DTNB: variants seen among roughly 807,000 people sequenced by gnomAD.
DTNB encodes dystrobrevin beta, also known as DTN-B.
A neutral mutation model predicts 90.7 loss-of-function variants in DTNB; 63 were observed. The ratio of observed to expected loss-of-function variants is 0.69; its 90% CI spans 0.57 to 0.86. DTNB has a LOEUF of 0.86. DTNB is among the 40% of genes least tolerant of loss of function. DTNB has a pLI of 0.00. For synonymous variants in DTNB, 277 were observed against 286.7 expected, an observed-to-expected ratio of 0.97 and a Z score of 0.34; for missense variants, 744 against 807.1, an observed-to-expected ratio of 0.92 and a Z score of 0.95.
rs572377850 is a variant in DTNB, at chr2:25,459,524, C to T, written c.1080-4030G>A. Among the ~76,000 whole-genome samples the T allele has an allele frequency of 7.2e-5, 11 of 152,190 alleles. 1 individual carries two copies. In the South Asian group the frequency reaches 1.7e-3, roughly 23 times the overall value. ...TATTTTATTTCTTGAGATGGAGTCTCGCTCTGTTGCCCAGGCTGGAGCGCA... is the reference window on the plus strand; with the variant it reads ...TATTTTATTTCTTGAGATGGAGTCTTGCTCTGTTGCCCAGGCTGGAGCGCA... On this transcript the variant is annotated intron_variant, in intron 10 of 20. Transcript: ENST00000406818.
At position 25,387,268 on chromosome 2, in the gene DTNB, G is replaced by A; in HGVS notation, c.1825+21C>T. On this transcript the variant is annotated intron_variant, in intron 18 of 20. Coordinates refer to ENST00000406818, the MANE Select transcript of DTNB (RefSeq NM_021907.5). The surrounding 1 kb of genome is among the most constrained non-coding windows in gnomAD (Gnocchi z 4.5). The stretch of plus-strand genomic sequence containing the variant: ...CAAGGCAGGGGAGGCCAGGAAGCTG[G>A]CTGGGAGCTCTGGGTTTCACCTGAA... The A allele has an allele frequency of 6.2e-7, 1 of 1,602,206 alleles. No individual in the cohort carries two copies. The highest frequency in any genetic ancestry group is 8.5e-7 in the Non-Finnish European group (1 of 1,172,370).
intron 16 of DTNB, among the ~76,000 whole-genome samples, chr2:25,418,309 C>T (rs528074309): frequency 2.4e-4 from 37 of 152,254 alleles, no homozygotes; most frequent in Admixed American, 2.1e-3. Context: ...CCTTTCCTCT[C>T]GCCTTTACTC....
At chr2:25,433,359 ATCCTTCCCTGCCCCT>A (rs2054587254) in intron 13 of DTNB, among the ~76,000 whole-genome samples, 1 of 151,996 alleles carries the variant, frequency 6.6e-6, no homozygotes, top group Admixed American at 6.6e-5. Flanking sequence ...ACTTCCCTTA[ATCCTTCCCTGCCCCT>A]TCCTTCCCTC....
intron 1 of DTNB, among the ~76,000 whole-genome samples, chr2:25,657,137 C>T (rs2082214883): frequency 6.6e-6 from 1 of 152,144 alleles, no homozygotes; most frequent in Admixed American, 6.5e-5. Flanking sequence ...GATCATGCCA[C>T]TGCACTCCAG....
intron 19 of DTNB, among the ~76,000 whole-genome samples, chr2:25,382,239 T>C (rs1319446479): frequency 6.6e-6 from 1 of 152,230 alleles, no homozygotes; most frequent in African/African-American, 2.4e-5. Flanking sequence ...GATAAGGTAC[T>C]CTCTATCTCA....
chr2:25,479,252 G>GC (rs2064394802), intron 10 of DTNB, among the ~76,000 whole-genome samples: 1 of 152,056 alleles, frequency 6.6e-6, no homozygotes, highest in Non-Finnish European at 1.5e-5. Flanking sequence ...AAAAAAATTA[G>GC]CATCATTTTC....
rs370780551 is a variant in DTNB at position 25,658,148 on chromosome 2, T to G, written c.-1-5487A>C. ...GGCACACACCTGTAGTCCCAGCTAC[T>G]CAGGAGGCTGAGGCAGGAGAATTGG... On this transcript the variant is annotated intron_variant, in intron 1 of 20. Transcript: ENST00000406818. Among the ~76,000 whole-genome samples the G allele has an allele frequency of 3.8e-4, 58 of 151,490 alleles. No homozygotes were observed. The East Asian group carries it at 7.3e-3, about 19-fold the overall frequency.
chr2:25,464,306 C>T (rs1164690173), intron 10 of DTNB, among the ~76,000 whole-genome samples: 7 of 152,162 alleles, frequency 4.6e-5, no homozygotes, highest in Admixed American at 4.6e-4. Flanking sequence ...CAAGATGAGC[C>T]TGGAGCATGT....
At chr2:25,410,629 T>TA (rs1259054775) in intron 16 of DTNB, among the ~76,000 whole-genome samples, 1 of 152,126 alleles carries the variant, frequency 6.6e-6, no homozygotes, top group Non-Finnish European at 1.5e-5. Flanking sequence ...ATATGAGGTA[T>TA]TCAAACTTTA....
chr2:25,645,624 A>G (rs527626341), intron 2 of DTNB, among the ~76,000 whole-genome samples: 1 of 151,936 alleles, frequency 6.6e-6, no homozygotes, highest in Non-Finnish European at 1.5e-5. Context: ...GTATTTTTCT[A>G]GAGACAAGGT....
chr2:25,566,968 G>A (rs983483870), intron 8 of DTNB, among the ~76,000 whole-genome samples: 2 of 152,220 alleles, frequency 1.3e-5, no homozygotes, highest in African/African-American at 4.8e-5. Context: ...CAAGAGGTCA[G>A]ACAGCTTAAA....
chr2:25,392,625 C>T (rs1201399880), intron 16 of DTNB, among the ~76,000 whole-genome samples: 1 of 152,052 alleles, frequency 6.6e-6, no homozygotes, highest in Non-Finnish European at 1.5e-5. Context: ...CCTTTACATG[C>T]ATAAACTAGA....
Position 25,419,539 on chromosome 2 carries a change from G to C in DTNB, c.1555-4C>G. 1 of 1,555,476 alleles carries C rather than the reference G, an allele frequency of 6.4e-7. No individual in the cohort carries two copies. The highest frequency in any genetic ancestry group is 1.2e-5 in the South Asian group (1 of 84,168). ...CTGCCTGCTTTTGCTCTTCCTCCTGGAGTGTTGAAGATGAAAAAAAAAGGC... is the reference window on the plus strand; with the variant it reads ...CTGCCTGCTTTTGCTCTTCCTCCTGCAGTGTTGAAGATGAAAAAAAAAGGC... On this transcript the variant is annotated splice_region_variant and splice_polypyrimidine_tract_variant and intron_variant, in intron 15 of 20. Transcript: ENST00000406818.
chr2:25,659,031 G>A (rs1211538236), intron 1 of DTNB, among the ~76,000 whole-genome samples: 3 of 151,772 alleles, frequency 2.0e-5, no homozygotes, highest in African/African-American at 4.8e-5. Flanking sequence ...TCTAAGTTTC[G>A]GGACTACAGG....
Position 25,434,117 on chromosome 2 carries a change from G to A in DTNB, c.1258-122C>T, listed in dbSNP as rs1479139843. On this transcript the variant is annotated intron_variant, in intron 12 of 20. Transcript: ENST00000406818. ...TAATTTACATATCATAAATCCACCC[G>A]TTTTAAGTATACAATTCAATGAGTC... 21 of 839,920 alleles carry A rather than the reference G, an allele frequency of 2.5e-5. 1 individual carries two copies. The highest frequency in any genetic ancestry group is 3.7e-5 in the Non-Finnish European group (20 of 545,190). The allele number at this position is 839,920 out of a possible 1,614,324, so 52.0% of individuals were successfully genotyped here.
intron 9 of DTNB, among the ~76,000 whole-genome samples, chr2:25,492,112 G>A (rs935055366): frequency 1.3e-5 from 2 of 152,082 alleles, no homozygotes; most frequent in South Asian, 4.1e-4. Context: ...ACAGCATGAC[G>A]TTAGATCATA....
intron 12 of DTNB, among the ~76,000 whole-genome samples, chr2:25,442,778 A>G (rs1400362090): frequency 6.6e-6 from 1 of 152,200 alleles, no homozygotes; most frequent in Admixed American, 6.5e-5. Context: ...TCTCAAATCT[A>G]GCTGAGGAAC....
chr2:25,452,216 T>A (rs953108378), intron 11 of DTNB, among the ~76,000 whole-genome samples: 2 of 152,174 alleles, frequency 1.3e-5, no homozygotes, highest in African/African-American at 4.8e-5. Flanking sequence ...GTTTAATGCA[T>A]TACTTTTCAA....
At chr2:25,466,663 C>T (rs776425877) in intron 10 of DTNB, among the ~76,000 whole-genome samples, 4 of 152,188 alleles carry the variant, frequency 2.6e-5, no homozygotes, top group Non-Finnish European at 5.9e-5. Context: ...GGGAAATACA[C>T]AATTTGGGGC....
Sources: allele counts gnomAD v4.1 joint callset (sites outside exome capture counted in the v4.1 genomes callset), GRCh38; gene constraint gnomAD v4.1.1; non-coding constraint Gnocchi (gnomAD v3.1); transcripts MANE v1.5; gene names NCBI Gene and HGNC (gene_info 2026-07-23, HGNC 2026-07-21).